The following FAT3 variants were observed in gnomAD, a reference collection of about 807,000 sequenced individuals.
FAT3 encodes protocadherin Fat 3.
Under a neutral mutation model 310.2 loss-of-function variants are expected in FAT3, and 95 were observed. The ratio of observed to expected loss-of-function variants is 0.31; its 90% confidence interval spans 0.26 to 0.36. FAT3 has a LOEUF of 0.36. Among genes scored for constraint, FAT3 ranks in the 10% least tolerant of loss-of-function variants. The pLI, the probability that FAT3 is intolerant of heterozygous loss-of-function variation, is 1.00. For missense variants in FAT3, 5,408 were observed against 5,715.6 expected, an observed-to-expected ratio of 0.95 and a Z score of 1.74; for synonymous variants, 2,314 against 2,192.9, an observed-to-expected ratio of 1.06 and a Z score of -1.54.
intron 3 of FAT3, among the ~76,000 whole-genome samples, chr11:92,547,570 T>C (rs1342302600): frequency 6.6e-6 from 1 of 152,138 alleles, no homozygotes; most frequent in Admixed American, 6.5e-5. Flanking sequence ...TTCAGCCCTC[T>C]GAGTACCAGC....
At chr11:92,280,317 G>A (rs1946389012) in intron 1 of FAT3, among the ~76,000 whole-genome samples, 1 of 152,014 alleles carries the variant, frequency 6.6e-6, no homozygotes, top group Non-Finnish European at 1.5e-5. Flanking sequence ...TGAGAGGCCT[G>A]GATGTAGGGG....
intron 13 of FAT3, among the ~76,000 whole-genome samples, chr11:92,817,699 T>A (rs951820958): frequency 3.3e-5 from 5 of 152,202 alleles, no homozygotes; most frequent in African/African-American, 1.2e-4. Context: ...TGGGGCACCA[T>A]TTGCCCTGAC....
chr11:92,654,687 C>T (rs1400652968), intron 3 of FAT3, among the ~76,000 whole-genome samples: 2 of 152,184 alleles, frequency 1.3e-5, no homozygotes, highest in African/African-American at 4.8e-5. Flanking sequence ...ACTGCTGAAA[C>T]CCTGGCACAA....
At chr11:92,538,359 G>T (rs999932320) in intron 3 of FAT3, among the ~76,000 whole-genome samples, 2 of 152,012 alleles carry the variant, frequency 1.3e-5, no homozygotes, top group Non-Finnish European at 2.9e-5. Flanking sequence ...CTACCCATAA[G>T]GCAATAGCCA....
intron 22 of FAT3, among the ~76,000 whole-genome samples, chr11:92,875,570 T>A (rs1167321019): frequency 2.0e-5 from 3 of 151,946 alleles, no homozygotes; most frequent in African/African-American, 7.2e-5. Context: ...GGTAAACCAG[T>A]TCTCTAAAAA....
chr11:92,586,716 T>G (rs937321092), intron 3 of FAT3, among the ~76,000 whole-genome samples: 3 of 152,020 alleles, frequency 2.0e-5, no homozygotes, highest in Non-Finnish European at 4.4e-5. Flanking sequence ...GATTAAAATG[T>G]GTCTCTGTTA....
intron 2 of FAT3, among the ~76,000 whole-genome samples, chr11:92,401,155 C>T (rs964460875): frequency 1.1e-4 from 17 of 152,096 alleles, no homozygotes; most frequent in African/African-American, 3.1e-4. Context: ...CATAAGCTGG[C>T]GGGGATACTT....
intron 4 of FAT3, among the ~76,000 whole-genome samples, chr11:92,739,052 A>C (rs1565554554): frequency 6.6e-6 from 1 of 152,210 alleles, no homozygotes; most frequent in African/African-American, 2.4e-5. Flanking sequence ...CAAAAGCACC[A>C]AGATAGAGCA....
chr11:92,394,725 T>A (rs1791371995), intron 2 of FAT3, among the ~76,000 whole-genome samples: 1 of 152,186 alleles, frequency 6.6e-6, no homozygotes, highest in African/African-American at 2.4e-5. Context: ...ACTCTCATTT[T>A]AAAATTGAAT....
chr11:92,309,632 C>T (rs1212637689), intron 1 of FAT3, among the ~76,000 whole-genome samples: 7 of 152,086 alleles, frequency 4.6e-5, no homozygotes, highest in Non-Finnish European at 8.8e-5. Flanking sequence ...ACTGAGATTG[C>T]CACTTCGTGA....
chr11:92,499,518 G>GTT, intron 2 of FAT3, among the ~76,000 whole-genome samples: 1 of 152,128 alleles, frequency 6.6e-6, no homozygotes, highest in Non-Finnish European at 1.5e-5. Context: ...CTTTGTAGGT[G>GTT]TTTGACATAG....
chr11:92,531,612 G>T (rs1298873519), intron 3 of FAT3, among the ~76,000 whole-genome samples: 1 of 152,216 alleles, frequency 6.6e-6, no homozygotes, highest in South Asian at 2.1e-4. Flanking sequence ...GTTCCATGCT[G>T]CTTCATGTCT....
chr11:92,808,842 C>T (rs189750519), intron 12 of FAT3, among the ~76,000 whole-genome samples: 83 of 152,162 alleles, frequency 5.5e-4, no homozygotes, highest in Non-Finnish European at 9.3e-4. Flanking sequence ...AGGAGAATGG[C>T]GTGAACCCAG....
intron 13 of FAT3, among the ~76,000 whole-genome samples, chr11:92,827,312 C>T (rs1399117670): frequency 1.3e-5 from 2 of 152,166 alleles, no homozygotes; most frequent in African/African-American, 4.8e-5. Context: ...CACTTAGGCC[C>T]AGGTCCAGCA....
At chr11:92,578,393 A>G (rs992076063) in intron 3 of FAT3, among the ~76,000 whole-genome samples, 2 of 152,092 alleles carry the variant, frequency 1.3e-5, no homozygotes, top group African/African-American at 2.4e-5. Flanking sequence ...TGTACTCCCT[A>G]CTTGACCCTG....
At chr11:92,349,688 T>C (rs1021332187) in intron 1 of FAT3, among the ~76,000 whole-genome samples, 1 of 152,204 alleles carries the variant, frequency 6.6e-6, no homozygotes, top group African/African-American at 2.4e-5. Flanking sequence ...AGAGCTGCTG[T>C]CCACAGGCTG....
intron 3 of FAT3, among the ~76,000 whole-genome samples, chr11:92,666,519 T>G (rs1053096865): frequency 3.0e-5 from 4 of 134,728 alleles, no homozygotes; most frequent in Non-Finnish European, 6.1e-5. Flanking sequence ...GCCCAGCTAT[T>G]TTTTTTTTTT....
chr11:92,894,468 C>A lies in FAT3; in HGVS notation c.*3355C>A, dbSNP rs1302912022. 1 of 152,154 alleles carries A rather than the reference C, an allele frequency of 6.6e-6. No homozygotes were observed. The highest frequency in any genetic ancestry group is 2.4e-5 in the African/African-American group (1 of 41,430). 9.4% of individuals were successfully genotyped at this position (152,154 alleles called of 1,614,324 possible). ...ACTATTTAAATCAATTAATGTCTTTCTCATTTTTCGAACATGTATGTGCCA... is the reference window on the plus strand; with the variant it reads ...ACTATTTAAATCAATTAATGTCTTTATCATTTTTCGAACATGTATGTGCCA... On this transcript the variant is annotated 3_prime_UTR_variant, in exon 28 of 28. Transcript: ENST00000525166.
chr11:92,719,867 A>G (rs7126336), intron 4 of FAT3, among the ~76,000 whole-genome samples: 1,972 of 152,222 alleles, frequency 0.013, 48 homozygotes, highest in African/African-American at 0.044. Flanking sequence ...ATATTCAAGT[A>G]AGACTGTTCC....
Sources: gnomAD v4.1 joint callset for allele counts (sites outside exome capture counted in the v4.1 genomes callset) on GRCh38, gnomAD v4.1.1 for gene constraint, MANE v1.5 for transcripts, NCBI Gene and HGNC (gene_info 2026-07-23, HGNC 2026-07-21) for gene names.